Variants in PHF20L1 observed in about 807,000 individuals in gnomAD.
The protein encoded by PHF20L1 is PHD finger protein 20 like 1.
In PHF20L1, 44 loss-of-function variants were observed where a neutral mutation model predicts 125.5. The ratio of observed to expected loss-of-function variants is 0.35; its 90% CI spans 0.28 to 0.45. The LOEUF (loss-of-function observed/expected upper bound fraction) is 0.45. Ranked by LOEUF, PHF20L1 falls within the 20% of genes least tolerant of loss-of-function variation. PHF20L1 has a pLI of 1.00. For synonymous variants in PHF20L1, 380 were observed against 403.1 expected (o/e 0.94, Z 0.69); for missense variants, 1,012 against 1,217.2 (o/e 0.83, Z 2.51).
chr8:132,805,714 T>C (rs779751881), intron 8 of PHF20L1, among the ~76,000 whole-genome samples: 1 of 152,080 alleles, frequency 6.6e-6, no homozygotes, highest in South Asian at 2.1e-4. Context: ...GGAAGCTAAC[T>C]GAAAGGTGAC....
chr8:132,837,816 G>A lies in PHF20L1; in HGVS notation c.2191+5G>A, dbSNP rs750642909. The A allele has an allele frequency of 6.2e-7, 1 of 1,602,026 alleles. No individual in the cohort carries two copies. Among genetic ancestry groups the A allele is most frequent in the South Asian group, 1.1e-5 (1 of 90,876 alleles). ...ATATCTGCCGGGACCCACCAGGTAAGGCTTTCTGTGCCGTGCTGATTGCCA... is the reference window on the plus strand; with the variant it reads ...ATATCTGCCGGGACCCACCAGGTAAAGCTTTCTGTGCCGTGCTGATTGCCA... On this transcript the variant is annotated splice_donor_5th_base_variant and intron_variant, in intron 17 of 20. Transcript: ENST00000395386.
At position 132,817,745 on chromosome 8, in the gene PHF20L1, G is replaced by C. The variant is rs1437812204; in HGVS notation, c.1579+200G>C. ...GATCATTTTACAATCATATTCCCTG[G>C]ACATACATGCTGCTTAACCTTGTCA... On this transcript the variant is annotated intron_variant, in intron 12 of 20. Transcript: ENST00000395386. The C allele has an allele frequency of 7.6e-6, 4 of 527,616 alleles. No homozygotes were observed. In the Admixed American group the frequency reaches 1.4e-4, roughly 18 times the overall value. 32.7% of individuals were successfully genotyped at this position (527,616 alleles called of 1,614,324 possible). A position where few individuals can be genotyped will look rare whatever the true frequency, so the allele number is the denominator to read the frequency against.
At chr8:132,821,516 T>C (rs1481591006) in intron 12 of PHF20L1, among the ~76,000 whole-genome samples, 1 of 151,930 alleles carries the variant, frequency 6.6e-6, no homozygotes, top group African/African-American at 2.4e-5. Context: ...TTTAAATTGT[T>C]TTTCAGTTTA....
At chr8:132,820,754 T>C (rs2131730877) in intron 12 of PHF20L1, among the ~76,000 whole-genome samples, 1 of 152,044 alleles carries the variant, frequency 6.6e-6, no homozygotes, top group East Asian at 1.9e-4. Context: ...TCTATGTTTA[T>C]TCCAAAAAAA....
In PHF20L1 at chr8:132,804,607, G is replaced by C. The variant is rs1224851357; in HGVS notation, c.722-8G>C. The C allele has an allele frequency of 1.2e-5, 19 of 1,599,468 alleles. No homozygotes were observed. The highest frequency in any genetic ancestry group is 1.5e-5 in the Non-Finnish European group (18 of 1,169,094). On this transcript the variant is annotated splice_polypyrimidine_tract_variant and splice_region_variant and intron_variant, in intron 7 of 20. Transcript: ENST00000395386. The stretch of plus-strand genomic sequence containing the variant: ...TAAACTCTCATATATGTGTTCTGTT[G>C]AAAGTAGGACTTCATGTAGAGAACG...
Position 132,843,425 on chromosome 8 carries a change from T to C in PHF20L1, c.2748+550T>C, listed in dbSNP as rs539741642. 115 of 980,058 alleles carry C rather than the reference T, an allele frequency of 1.2e-4. No individual in the cohort carries two copies. The South Asian group carries it at 4.8e-3, about 41-fold the overall frequency. 60.7% of individuals were successfully genotyped at this position (980,058 alleles called of 1,614,324 possible). A position where few individuals can be genotyped will look rare whatever the true frequency, so the allele number is the denominator to read the frequency against. On this transcript the variant is annotated intron_variant, in intron 19 of 20. Transcript: ENST00000395386. ...TTATTTTTTACTGATTTTCAATTAA[T>C]GAGGCCACTTTAAAATTAGATGTTT... is the stretch of plus-strand genomic sequence containing the variant.
At chr8:132,844,383 C>T (rs1004052651) in intron 20 of PHF20L1, 65 bp downstream of exon 20, 18 of 1,267,954 alleles carry the variant, frequency 1.4e-5, no homozygotes, top group Non-Finnish European at 2.0e-5. Flanking sequence ...GAAGAAGTTA[C>T]TTAAAATTCT....
intron 12 of PHF20L1, among the ~76,000 whole-genome samples, chr8:132,820,917 T>G (rs1383401386): frequency 6.6e-6 from 1 of 151,954 alleles, no homozygotes; most frequent in Non-Finnish European, 1.5e-5. Flanking sequence ...TATTCTTGTA[T>G]TAAAAGAAAT....
chr8:132,776,641 C>G (rs1418703676), intron 1 of PHF20L1, among the ~76,000 whole-genome samples: 2 of 152,148 alleles, frequency 1.3e-5, no homozygotes, highest in African/African-American at 4.8e-5. Flanking sequence ...CTATCAGACT[C>G]TTTCAAAGAG....
At chr8:132,779,756 G>T (rs575393014) in intron 2 of PHF20L1, among the ~76,000 whole-genome samples, 14 of 152,218 alleles carry the variant, frequency 9.2e-5, no homozygotes, top group South Asian at 4.1e-4. Context: ...TAGTTCAAAA[G>T]ACTACAAAAA....
chr8:132,800,184 C>T (rs1586911893), intron 6 of PHF20L1, among the ~76,000 whole-genome samples: 1 of 151,402 alleles, frequency 6.6e-6, no homozygotes, highest in African/African-American at 2.4e-5. Flanking sequence ...GGTAAAATTA[C>T]AGCTTGTAAA....
chr8:132,824,232 A>G, intron 13 of PHF20L1, 172 bp downstream of exon 13: 1 of 429,026 alleles, frequency 2.3e-6, no homozygotes, highest in Non-Finnish European at 4.2e-6. Context: ...TTAAACACAT[A>G]TCTTGTTTTA....
chr8:132,843,003 G>C, intron 19 of PHF20L1, 128 bp downstream of exon 19: 2 of 1,415,544 alleles, frequency 1.4e-6, no homozygotes, highest in Non-Finnish European at 9.2e-7. Context: ...CCTTGTTAAA[G>C]TAAGGAGATT....
At chr8:132,794,146 T>C (rs942918914) in intron 2 of PHF20L1, among the ~76,000 whole-genome samples, 2 of 152,226 alleles carry the variant, frequency 1.3e-5, no homozygotes, top group Non-Finnish European at 2.9e-5. Flanking sequence ...AGGTTCTTGA[T>C]GTATGTTACC....
intron 2 of PHF20L1, among the ~76,000 whole-genome samples, chr8:132,789,749 G>A (rs1339888022): frequency 6.6e-6 from 1 of 152,112 alleles, no homozygotes; most frequent in Non-Finnish European, 1.5e-5. Context: ...AACAATGCAT[G>A]AAGTTTTAAG....
intron 2 of PHF20L1, among the ~76,000 whole-genome samples, chr8:132,780,844 C>CTT (rs199806400): frequency 8.5e-5 from 11 of 129,662 alleles, no homozygotes; most frequent in East Asian, 2.2e-4. Context: ...GTTTTTCTTG[C>CTT]TTTTTTTTTT....
chr8:132,798,763 C>G lies in PHF20L1; in HGVS notation c.341-9C>G. On this transcript the variant is annotated splice_polypyrimidine_tract_variant and intron_variant, in intron 4 of 20. Transcript: ENST00000395386. Reference sequence around the variant, plus strand: ...ATTTTCTAATGATTCTGACTTGCTCCTGTTTCAGGAACATTTACAGTTCAG... The same window carrying G: ...ATTTTCTAATGATTCTGACTTGCTCGTGTTTCAGGAACATTTACAGTTCAG... 1 of 1,570,122 alleles carries G rather than the reference C, an allele frequency of 6.4e-7. No individual in the cohort carries two copies. The highest frequency in any genetic ancestry group is 8.7e-7 in the Non-Finnish European group (1 of 1,144,518).
At chr8:132,827,848 T>C (rs1836358324) in intron 14 of PHF20L1, among the ~76,000 whole-genome samples, 1 of 152,090 alleles carries the variant, frequency 6.6e-6, no homozygotes, top group Non-Finnish European at 1.5e-5. Context: ...ATGAAAATCT[T>C]AACTTTGTAA....
Position 132,832,252 on chromosome 8 carries a change from GAC to G in PHF20L1, c.1764_1765del (p.Asp588GlufsTer44). On this transcript the variant is annotated frameshift_variant, in exon 15 of 21. Transcript: ENST00000395386. LOFTEE classifies it high-confidence loss of function. ...TGTTGCAGACTATTCAGACTATGAA[GAC>G]AGTTCCCTCGAATTTTTGGAAAGGT... ...SKQHDYSDYE[D>X]SSLEFLERCS... 6.3e-7 allele frequency: 1 copy of G among 1,592,676 alleles called. No individual in the cohort carries two copies. The highest frequency in any genetic ancestry group is 8.6e-7 in the Non-Finnish European group (1 of 1,160,996).
Sources: gnomAD v4.1 joint callset for allele counts (sites outside exome capture counted in the v4.1 genomes callset) on GRCh38, gnomAD v4.1.1 for gene constraint, MANE v1.5 for transcripts, NCBI Gene and HGNC (gene_info 2026-07-23, HGNC 2026-07-21) for gene names.